BLK: variants seen among roughly 807,000 people sequenced by gnomAD.
BLK encodes BLK proto-oncogene, Src family tyrosine kinase, also known as tyrosine-protein kinase Blk.
A neutral mutation model predicts 61.8 loss-of-function variants in BLK; 64 were observed. That is an observed-to-expected ratio of 1.03 (90% CI 0.85 to 1.27). The LOEUF (loss-of-function observed/expected upper bound fraction) is 1.27. BLK is among the 50% of genes most tolerant of loss of function. BLK has a pLI of 0.00. For missense variants in BLK, 853 were observed against 660.5 expected (o/e 1.29, Z -3.19); for synonymous variants, 351 against 272.0 (o/e 1.29, Z -2.86).
chr8:11,548,957 T>G, intron 4 of BLK, 67 bp from the exon 5 acceptor site: 10 of 1,415,010 alleles, frequency 7.1e-6, no homozygotes, highest in Non-Finnish European at 9.8e-6. Context: ...TGAGGAGGCC[T>G]GAGAGCTGCC....
At chr8:11,545,301 C>T (rs1800579804) in intron 2 of BLK, among the ~76,000 whole-genome samples, 1 of 152,226 alleles carries the variant, frequency 6.6e-6, no homozygotes, top group South Asian at 2.1e-4. Context: ...GTAATCCCAG[C>T]ACTTTGGGAG....
At chr8:11,553,360 C>G (rs997647279) in intron 6 of BLK, 1 of 448,654 alleles carries the variant, frequency 2.2e-6, no homozygotes, top group African/African-American at 2.0e-5. Context: ...CAGGGCAGTC[C>G]AGACATACCA....
intron 1 of BLK, among the ~76,000 whole-genome samples, chr8:11,532,834 C>T (rs920703604): frequency 6.6e-6 from 1 of 152,176 alleles, no homozygotes; most frequent in Non-Finnish European, 1.5e-5. Flanking sequence ...TGAATATTAT[C>T]GTGTTTCTTT....
At chr8:11,554,439 C>T (rs1801087402) in intron 6 of BLK, among the ~76,000 whole-genome samples, 1 of 152,078 alleles carries the variant, frequency 6.6e-6, no homozygotes, top group Admixed American at 6.5e-5. Flanking sequence ...GACCAGATGC[C>T]CAAGTGGGGA....
At position 11,563,455 on chromosome 8, in the gene BLK, A is replaced by G. The variant is rs550580274; in HGVS notation, c.1312+345A>G. Among the ~76,000 whole-genome samples the G allele has an allele frequency of 3.3e-5, 5 of 152,310 alleles. No individual in the cohort carries two copies. In the South Asian group the frequency reaches 1.0e-3, roughly 32 times the overall value. ...CTTTGCACCCATAGTGGATTCCCCA[A>G]AGCCCCTTCCTGTGTGGCCAGAATC... On this transcript the variant is annotated intron_variant, in intron 12 of 12. Coordinates refer to ENST00000259089, the MANE Select transcript of BLK (RefSeq NM_001715.3).
intron 1 of BLK, among the ~76,000 whole-genome samples, chr8:11,511,773 T>C (rs879264689): frequency 1.3e-5 from 2 of 152,190 alleles, no homozygotes; most frequent in Admixed American, 1.3e-4. Flanking sequence ...TAGTGCAACA[T>C]TCAACATGAG....
intron 3 of BLK, among the ~76,000 whole-genome samples, chr8:11,547,632 G>A (rs11779613): frequency 0.44 from 67,450 of 152,126 alleles, 15,704 homozygotes; most frequent in Non-Finnish European, 0.51. Flanking sequence ...GGGCAGAGGA[G>A]GAAAAGGATA....
At chr8:11,563,776 A>T (rs1371021590) in intron 12 of BLK, 127 bp from the exon 13 acceptor site, 1 of 869,124 alleles carries the variant, frequency 1.2e-6, no homozygotes, top group Non-Finnish European at 1.7e-6. Context: ...AGGCTGGAGA[A>T]GTGGTCTGGG....
At chr8:11,543,480 T>C in intron 2 of BLK, 133 bp downstream of exon 2, 1 of 1,297,578 alleles carries the variant, frequency 7.7e-7, no homozygotes, top group Non-Finnish European at 1.1e-6. Flanking sequence ...TATAAGCAGG[T>C]GTGCCATGCA....
In BLK at chr8:11,564,148, G is replaced by A. The variant is rs1456970825; in HGVS notation, c.*40G>A. The A allele has an allele frequency of 2.6e-6, 4 of 1,532,178 alleles. No individual in the cohort carries two copies. The highest frequency in any genetic ancestry group is 3.5e-6 in the Non-Finnish European group (4 of 1,143,616). 94.9% of individuals were successfully genotyped at this position (1,532,178 alleles called of 1,614,324 possible). A position where few individuals can be genotyped will look rare whatever the true frequency, so the allele number is the denominator to read the frequency against. On this transcript the variant is annotated 3_prime_UTR_variant, in exon 13 of 13. Coordinates refer to ENST00000259089, the MANE Select transcript of BLK (RefSeq NM_001715.3). ...CTGCGCCCCGTGCCCACCTCTGCGC[G>A]GACGACCCCGACTTCCGTGCCATCC... is the stretch of plus-strand genomic sequence containing the variant.
intron 1 of BLK, among the ~76,000 whole-genome samples, chr8:11,515,025 A>G (rs1356165975): frequency 2.6e-5 from 4 of 151,938 alleles, no homozygotes; most frequent in Non-Finnish European, 4.4e-5. Context: ...ACATTCCCCG[A>G]CAAGCTGCTG....
chr8:11,520,502 A>G (rs1275532298), intron 1 of BLK, among the ~76,000 whole-genome samples: 97 of 143,158 alleles, frequency 6.8e-4, no homozygotes, highest in Non-Finnish European at 1.2e-3. Context: ...AAAAAAAAAA[A>G]GGAAGAAAGA....
intron 1 of BLK, among the ~76,000 whole-genome samples, chr8:11,537,539 G>C (rs1462334049): frequency 1.3e-5 from 2 of 152,180 alleles, no homozygotes; most frequent in African/African-American, 4.8e-5. Flanking sequence ...TCCCCTCCAA[G>C]GGACACAGAG....
At position 11,564,321 on chromosome 8, in the gene BLK, T is replaced by C. The variant is rs1187089183; in HGVS notation, c.*213T>C. The C allele has an allele frequency of 2.8e-6, 2 of 712,394 alleles. No homozygotes were observed. Among genetic ancestry groups the C allele is most frequent in the South Asian group, 1.5e-5 (1 of 66,960 alleles). 44.1% of individuals were successfully genotyped at this position (712,394 alleles called of 1,614,324 possible). On this transcript the variant is annotated 3_prime_UTR_variant, in exon 13 of 13. Coordinates refer to ENST00000259089, the MANE Select transcript of BLK (RefSeq NM_001715.3). ...AGTTACGCGGCCTCTCTGTGCCGCT[T>C]CATTTGTAGAGGGCTGTAACAGTGA...
chr8:11,496,985 G>A (rs569227308), intron 1 of BLK, among the ~76,000 whole-genome samples: 17 of 152,202 alleles, frequency 1.1e-4, no homozygotes, highest in African/African-American at 4.1e-4. Flanking sequence ...CAGCATCCTG[G>A]CTTGCAGGGT....
chr8:11,526,580 G>C (rs1446618762), intron 1 of BLK, among the ~76,000 whole-genome samples: 1 of 152,130 alleles, frequency 6.6e-6, no homozygotes, highest in Non-Finnish European at 1.5e-5. Context: ...TTAGCTGGGC[G>C]TTGTGGCACA....
intron 2 of BLK, 61 bp from the exon 3 acceptor site, chr8:11,545,991 C>G: frequency 6.3e-7 from 1 of 1,575,130 alleles, no homozygotes; most frequent in Non-Finnish European, 8.7e-7. Context: ...CAGTCTCAAC[C>G]CCCAGGCCCC....
chr8:11,549,090 TG>T lies in BLK; in HGVS notation c.337del (p.Val113TrpfsTer52), dbSNP rs752502186. ...GAGAAGGCTATGTGCCCAGTAACTT[TG>T]TGGCCCGAGTGGAGAGCCTGGAAAT... ...GREGYVPSNF[V>X]ARVESLEMER... On this transcript the variant is annotated frameshift_variant, in exon 5 of 13. Coordinates refer to ENST00000259089, the MANE Select transcript of BLK (RefSeq NM_001715.3). LOFTEE classifies it high-confidence loss of function. 26 of 1,610,562 alleles carry T rather than the reference TG, an allele frequency of 1.6e-5. No homozygotes were observed. The East Asian group carries it at 5.8e-4, about 36-fold the overall frequency.
intron 1 of BLK, among the ~76,000 whole-genome samples, chr8:11,541,135 C>A (rs1340762575): frequency 6.6e-6 from 1 of 152,042 alleles, no homozygotes; most frequent in Non-Finnish European, 1.5e-5. Context: ...GGCATGGTAG[C>A]ACATGCCTGT....
Sources: gnomAD v4.1 joint callset for allele counts (sites outside exome capture counted in the v4.1 genomes callset) on GRCh38, gnomAD v4.1.1 for gene constraint, MANE v1.5 for transcripts, NCBI Gene and HGNC (gene_info 2026-07-23, HGNC 2026-07-21) for gene names.